The following POLQ variants were observed in gnomAD, a reference collection of about 807,000 sequenced individuals.
The protein encoded by POLQ is epididymis secretory sperm binding protein.
A neutral mutation model predicts 259.2 loss-of-function variants in POLQ; 233 were observed. The observed-to-expected ratio is 0.90, with a 90% CI of 0.81 to 1.00. The LOEUF (loss-of-function observed/expected upper bound fraction) is 1.00, where lower values mean the gene tolerates loss of function less well. POLQ is among the 50% of genes least tolerant of loss of function. POLQ has a pLI of 0.00. For synonymous variants in POLQ, 1,025 were observed against 1,048.8 expected (o/e 0.98, Z 0.44); for missense variants, 2,871 against 3,051.6 (o/e 0.94, Z 1.39).
At chr3:121,470,547 T>G (rs1046531605) in intron 22 of POLQ, among the ~76,000 whole-genome samples, 1 of 152,172 alleles carries the variant, frequency 6.6e-6, no homozygotes, top group African/African-American at 2.4e-5. Context: ...ACCCTACATC[T>G]ATGAACCTAT....
chr3:121,465,861 C>A (rs768059797), intron 24 of POLQ, among the ~76,000 whole-genome samples: 5 of 152,180 alleles, frequency 3.3e-5, no homozygotes, highest in Non-Finnish European at 7.3e-5. Flanking sequence ...AATCACCCTA[C>A]AATGGCAATG....
At chr3:121,477,763 C>T (rs1417749138) in intron 19 of POLQ, among the ~76,000 whole-genome samples, 1 of 152,122 alleles carries the variant, frequency 6.6e-6, no homozygotes, top group East Asian at 1.9e-4. Context: ...CTAAGCAACC[C>T]TGGCCCACCT....
rs762342946 is a variant in POLQ at position 121,483,462 on chromosome 3, T to C, written c.5894A>G (p.Tyr1965Cys). 3.7e-6 allele frequency: 6 copies of C among 1,606,004 alleles called. No homozygotes were observed. The highest frequency in any genetic ancestry group is 1.7e-4 in the Middle Eastern group (1 of 6,014). The stretch of plus-strand genomic sequence containing the variant: ...AATTTTATAGCTCTGGATGAAGTCA[T>C]AGATGACAACAGAACATTCTTTATC... ...ESDKECSVVI[Y>C]DFIQSYKILL... Residue 1965 changes from tyrosine to cysteine, a missense_variant, in exon 18 of 30, where the codon TAT becomes TGT. This residue lies in a region of POLQ where 2,080 missense variants were observed against 2,126.0 expected (regional missense o/e 0.98). Coordinates refer to ENST00000264233, the MANE Select transcript of POLQ (RefSeq NM_199420.4).
chr3:121,487,173 CCA>C (rs2108797029), intron 16 of POLQ, 127 bp downstream of exon 16: 2 of 570,220 alleles, frequency 3.5e-6, no homozygotes, highest in South Asian at 2.8e-5. Flanking sequence ...ACACATAAAT[CCA>C]CAGAGGAGAT....
At chr3:121,475,449 G>A (rs745310749) in intron 20 of POLQ, among the ~76,000 whole-genome samples, 1 of 151,812 alleles carries the variant, frequency 6.6e-6, no homozygotes, top group Non-Finnish European at 1.5e-5. Flanking sequence ...CCTAATATAG[G>A]TATCAAAGGG....
chr3:121,457,255 T>A (rs1298840077), intron 25 of POLQ, among the ~76,000 whole-genome samples: 1 of 151,942 alleles, frequency 6.6e-6, no homozygotes, highest in Non-Finnish European at 1.5e-5. Flanking sequence ...AAAGACTTAC[T>A]TGTTAAACCT....
intron 7 of POLQ, 101 bp downstream of exon 7, chr3:121,529,544 C>T: frequency 1.8e-6 from 2 of 1,101,890 alleles, no homozygotes; most frequent in South Asian, 2.6e-5. Context: ...CAGGCAGTGA[C>T]AATGATGAAC....
chr3:121,443,244 T>C (rs1021309890), intron 26 of POLQ, among the ~76,000 whole-genome samples: 1 of 152,376 alleles, frequency 6.6e-6, no homozygotes. Flanking sequence ...GGTTCCTTTT[T>C]CTCTACATCT....
At position 121,488,061 on chromosome 3, in the gene POLQ, T is replaced by C. The variant is rs199799354; in HGVS notation, c.4870A>G (p.Arg1624Gly). The change falls in exon 16 of 30, where the codon AGG becomes GGG. Residue 1624 changes from arginine (R) to glycine (G), a missense_variant. Around this residue, in one of 3 missense-constraint regions of POLQ, gnomAD observed 2,080 missense variants for 2,126.0 expected, o/e 0.98. Transcript: ENST00000264233. ...GACCATATGAATGAATGATTTTGCC[T>C]GGTCCCAGTTAATTTTGATTTTTCA... is the stretch of plus-strand genomic sequence containing the variant. Reference protein sequence around the residue: ...RAEKSKLTGTRQNHSFIWSGA... With the variant: ...RAEKSKLTGTGQNHSFIWSGA... The C allele has an allele frequency of 6.8e-6, 11 of 1,613,954 alleles. No individual in the cohort carries two copies. The highest frequency in any genetic ancestry group is 9.3e-6 in the Non-Finnish European group (11 of 1,179,972).
At chr3:121,470,163 G>A (rs2047871878) in intron 22 of POLQ, among the ~76,000 whole-genome samples, 1 of 151,990 alleles carries the variant, frequency 6.6e-6, no homozygotes, top group South Asian at 2.1e-4. Flanking sequence ...ATTAGCTGAG[G>A]CAGGAGAATC....
intron 26 of POLQ, among the ~76,000 whole-genome samples, chr3:121,446,905 C>T (rs1037346557): frequency 1.3e-5 from 2 of 152,038 alleles, no homozygotes; most frequent in African/African-American, 2.4e-5. Flanking sequence ...AAAAATCTAT[C>T]CAGCCACTCT....
intron 25 of POLQ, among the ~76,000 whole-genome samples, chr3:121,454,833 A>G (rs2047717879): frequency 6.6e-6 from 1 of 152,196 alleles, no homozygotes; most frequent in African/African-American, 2.4e-5. Context: ...CGAGACAGAA[A>G]GTTAACAAGG....
chr3:121,528,784 C>T (rs1359308075), intron 7 of POLQ, among the ~76,000 whole-genome samples: 1 of 152,028 alleles, frequency 6.6e-6, no homozygotes, highest in African/African-American at 2.4e-5. Context: ...GAAACCTCAT[C>T]TCTACACAAA....
intron 27 of POLQ, among the ~76,000 whole-genome samples, chr3:121,436,748 A>G (rs962998098): frequency 3.3e-5 from 5 of 151,790 alleles, no homozygotes; most frequent in African/African-American, 7.3e-5. Flanking sequence ...CCCTGCAGGT[A>G]TGGAGCCCTC....
chr3:121,484,892 T>C (rs964416813), intron 17 of POLQ, 149 bp downstream of exon 17: 41 of 601,040 alleles, frequency 6.8e-5, no homozygotes, highest in African/African-American at 5.3e-4. Context: ...AAGAGTGACA[T>C]TCTGTCTCAA....
intron 8 of POLQ, among the ~76,000 whole-genome samples, chr3:121,520,470 A>C (rs1381123153): frequency 6.6e-6 from 1 of 152,210 alleles, no homozygotes; most frequent in Non-Finnish European, 1.5e-5. Context: ...TGGGAGGCAG[A>C]GTTTGCAGTG....
intron 8 of POLQ, among the ~76,000 whole-genome samples, chr3:121,521,205 C>T (rs1015015403): frequency 3.3e-5 from 5 of 152,084 alleles, no homozygotes; most frequent in African/African-American, 9.7e-5. Flanking sequence ...TGTCCTACCA[C>T]CCAGGACATG....
At chr3:121,538,130 T>C (rs1259732484) in intron 4 of POLQ, among the ~76,000 whole-genome samples, 1 of 152,162 alleles carries the variant, frequency 6.6e-6, no homozygotes, top group Non-Finnish European at 1.5e-5. Context: ...GTATTGACTT[T>C]TCAGTGGGAA....
At chr3:121,465,188 G>A (rs1412870144) in intron 24 of POLQ, among the ~76,000 whole-genome samples, 2 of 151,570 alleles carry the variant, frequency 1.3e-5, no homozygotes, top group Non-Finnish European at 2.9e-5. Flanking sequence ...CAGGGCTCAA[G>A]TGACATGATA....
Sources: allele counts gnomAD v4.1 joint callset (sites outside exome capture counted in the v4.1 genomes callset), GRCh38; gene constraint gnomAD v4.1.1; regional missense constraint gnomAD v4.1.1; transcripts MANE v1.5; gene names NCBI Gene and HGNC (gene_info 2026-07-23, HGNC 2026-07-21).